The following PCDHA4 variants were observed in gnomAD, a reference collection of about 807,000 sequenced individuals.
PCDHA4 encodes the protein protocadherin alpha-4.
In PCDHA4, 49 loss-of-function variants were observed where a neutral mutation model predicts 61.4. That is an observed-to-expected ratio of 0.80 (90% CI 0.63 to 1.01). The LOEUF (loss-of-function observed/expected upper bound fraction) is 1.01. Among genes scored for constraint, PCDHA4 ranks in the 50% least tolerant of loss-of-function variants. The pLI, the probability that PCDHA4 is intolerant of heterozygous loss-of-function variation, is 0.00. For synonymous variants in PCDHA4, 590 were observed against 550.3 expected (o/e 1.07, Z -1.01); for missense variants, 1,254 against 1,235.8 (o/e 1.01, Z -0.22).
intron 1 of PCDHA4, among the ~76,000 whole-genome samples, chr5:140,818,508 G>T (rs1766375176): frequency 6.6e-6 from 1 of 152,176 alleles, no homozygotes; most frequent in East Asian, 1.9e-4. Flanking sequence ...TTTAAAATCA[G>T]ATATAACCTG....
At chr5:141,000,410 TA>T (rs2097918693) in intron 3 of PCDHA4, among the ~76,000 whole-genome samples, 2 of 101,940 alleles carry the variant, frequency 2.0e-5, no homozygotes, top group African/African-American at 7.8e-5. Flanking sequence ...TATATATATA[TA>T]TATATATATA....
chr5:140,881,332 C>T (rs923599590), intron 1 of PCDHA4: 7 of 984,540 alleles, frequency 7.1e-6, no homozygotes, highest in South Asian at 9.4e-5. Flanking sequence ...TTAACCAGGA[C>T]GCCGATTCGG....
intron 1 of PCDHA4, chr5:140,882,780 G>T: frequency 1.2e-6 from 2 of 1,614,160 alleles, no homozygotes; most frequent in Non-Finnish European, 1.7e-6. Context: ...TTGACCTACC[G>T]ACTGGATCCC....
At chr5:140,849,677 C>A (rs2150445032) in intron 1 of PCDHA4, 1 of 1,598,728 alleles carries the variant, frequency 6.3e-7, no homozygotes, top group East Asian at 2.2e-5. Flanking sequence ...CCCACGTCCC[C>A]TTCAAGCTGG....
At chr5:140,897,712 G>A (rs1180745180) in intron 1 of PCDHA4, among the ~76,000 whole-genome samples, 3 of 152,162 alleles carry the variant, frequency 2.0e-5, no homozygotes, top group African/African-American at 7.2e-5. Context: ...CCAGTAATGG[G>A]ATGGCTGGGT....
At chr5:140,815,977 T>C (rs1431471827) in intron 1 of PCDHA4, 1 of 152,222 alleles carries the variant, frequency 6.6e-6, no homozygotes, top group Non-Finnish European at 1.5e-5. Context: ...TTGTACGTGA[T>C]GAGGCATTTT....
At chr5:140,848,920 T>A (rs1554142573) in intron 1 of PCDHA4, 1 of 1,607,752 alleles carries the variant, frequency 6.2e-7, no homozygotes, top group East Asian at 2.2e-5. Flanking sequence ...AATCTGTTCA[T>A]CGCGGAATCC....
At chr5:140,828,117 T>C (rs923663233) in intron 1 of PCDHA4, 7 of 1,612,442 alleles carry the variant, frequency 4.3e-6, no homozygotes, top group Non-Finnish European at 5.9e-6. Context: ...GAGGATAGAT[T>C]GGGAAAGCAA....
rs1554124981 is a variant in PCDHA4, at chr5:140,809,069, A to G, written c.1882A>G (p.Thr628Ala). ...CATCCCGTTCCGCGTGGGGCTGTAC[A>G]CTGGCGAGATCAGCACAACGCGTGC... ...ARIPFRVGLY[T>A]GEISTTRALD... The change falls in exon 1 of 4, where the codon ACT (threonine) becomes GCT (alanine). Residue 628 changes from threonine (T) to alanine (A), a missense_variant. Coordinates refer to ENST00000530339, the MANE Select transcript of PCDHA4 (RefSeq NM_018907.4). The G allele has an allele frequency of 2.9e-5, 47 of 1,613,780 alleles. No individual in the cohort carries two copies. The highest frequency in any genetic ancestry group is 3.8e-5 in the Non-Finnish European group (45 of 1,179,912).
At chr5:140,993,081 A>G (rs966669704) in intron 3 of PCDHA4, among the ~76,000 whole-genome samples, 34 of 152,234 alleles carry the variant, frequency 2.2e-4, no homozygotes, top group Non-Finnish European at 2.8e-4. Flanking sequence ...GTCTGCAATC[A>G]GCAGGGCTAT....
At chr5:140,863,423 T>A (rs1334887353) in intron 1 of PCDHA4, 2 of 677,498 alleles carry the variant, frequency 3.0e-6, no homozygotes, top group Non-Finnish European at 5.2e-6. Flanking sequence ...TACCGCAGCG[T>A]AGTGGGATCT....
At chr5:140,850,915 T>G (rs2041875502) in intron 1 of PCDHA4, 1 of 1,529,718 alleles carries the variant, frequency 6.5e-7, no homozygotes. Flanking sequence ...ATTTTATTTA[T>G]TTATATAATT....
chr5:140,883,674 C>T (rs782029001), intron 1 of PCDHA4: 5 of 1,613,738 alleles, frequency 3.1e-6, no homozygotes, highest in African/African-American at 2.7e-5. Flanking sequence ...GAAAACAATC[C>T]GCCGGGCTGC....
intron 1 of PCDHA4, among the ~76,000 whole-genome samples, chr5:140,920,731 C>G (rs2079790420): frequency 6.6e-6 from 1 of 151,924 alleles, no homozygotes; most frequent in African/African-American, 2.4e-5. Flanking sequence ...GCAGTCCCAG[C>G]TACTCAGGAG....
chr5:140,995,498 CTG>C (rs1554254703), intron 3 of PCDHA4, among the ~76,000 whole-genome samples: 5 of 152,150 alleles, frequency 3.3e-5, no homozygotes, highest in Non-Finnish European at 5.9e-5. Context: ...CTAAGGTTGA[CTG>C]TGGGTAACTG....
chr5:140,818,181 C>T (rs1183209623), intron 1 of PCDHA4, among the ~76,000 whole-genome samples: 2 of 152,214 alleles, frequency 1.3e-5, no homozygotes, highest in Admixed American at 6.5e-5. Context: ...TTATATTCTT[C>T]TGTGACTATA....
At chr5:140,969,464 C>T in intron 1 of PCDHA4, 2 of 1,491,562 alleles carry the variant, frequency 1.3e-6, no homozygotes, top group South Asian at 2.7e-5. Context: ...ATATAGTATC[C>T]ACAATTTGAT....
Position 140,943,601 on chromosome 5 carries a change from T to C in PCDHA4, c.2386-35348T>C, listed in dbSNP as rs148231077. ...TCTGAGTGGGGCTGAATTCTAAATA[T>C]AGACTTTGATTCATCTGCATAAGGA... On this transcript the variant is annotated intron_variant, in intron 1 of 3. Coordinates refer to ENST00000530339, the MANE Select transcript of PCDHA4 (RefSeq NM_018907.4). Among the ~76,000 whole-genome samples the C allele has an allele frequency of 1.9e-3, 291 of 152,290 alleles. 2 individuals carry two copies. The highest frequency in any genetic ancestry group is 6.6e-3 in the African/African-American group (276 of 41,566).
chr5:140,987,096 C>T (rs1266691790), intron 3 of PCDHA4, among the ~76,000 whole-genome samples: 3 of 151,912 alleles, frequency 2.0e-5, no homozygotes, highest in African/African-American at 7.3e-5. Context: ...TGCCTGTAAT[C>T]CCAGCTACTC....
Sources: allele counts gnomAD v4.1 joint callset (sites outside exome capture counted in the v4.1 genomes callset), GRCh38; gene constraint gnomAD v4.1.1; transcripts MANE v1.5; gene names NCBI Gene and HGNC (gene_info 2026-07-23, HGNC 2026-07-21).